The following CSTPP1 variants were observed in gnomAD, a reference collection of about 807,000 sequenced individuals.
CSTPP1 encodes the protein UPF0705 protein C11orf49.
chr11:47,058,446 G>T, the CSTPP1 span, among the ~76,000 whole-genome samples: 2 of 151,998 alleles, frequency 1.3e-5, no homozygotes, highest in African/African-American at 4.8e-5. Flanking sequence ...CAGAGATGAT[G>T]GAATTAACTA....
chr11:46,952,794 C>T, the CSTPP1 span, among the ~76,000 whole-genome samples: 5,708 of 152,208 alleles, frequency 0.038, 333 homozygotes, highest in African/African-American at 0.13. Context: ...TCTAGTGAGT[C>T]GTTCACCTTA....
At chr11:47,112,565 G>T in the CSTPP1 span, among the ~76,000 whole-genome samples, 1 of 152,050 alleles carries the variant, frequency 6.6e-6, no homozygotes, top group Admixed American at 6.6e-5. Context: ...CAAGTGATCC[G>T]CCTGCCTTGG....
At chr11:47,043,846 T>TA in the CSTPP1 span, among the ~76,000 whole-genome samples, 1 of 152,044 alleles carries the variant, frequency 6.6e-6, no homozygotes, top group Non-Finnish European at 1.5e-5. Context: ...TCTCTAGATA[T>TA]AAAAAGGCAT....
chr11:46,986,153 A>G, the CSTPP1 span, among the ~76,000 whole-genome samples: 1 of 152,382 alleles, frequency 6.6e-6, no homozygotes, highest in East Asian at 1.9e-4. Flanking sequence ...TTGATAAAGA[A>G]GAAAACAGGT....
At chr11:47,012,250 G>A in the CSTPP1 span, among the ~76,000 whole-genome samples, 2 of 152,112 alleles carry the variant, frequency 1.3e-5, no homozygotes, top group Admixed American at 1.3e-4. Flanking sequence ...GAGTGAGACT[G>A]TGTCTCCAAA....
chr11:46,982,803 G>A, the CSTPP1 span, among the ~76,000 whole-genome samples: 1 of 152,124 alleles, frequency 6.6e-6, no homozygotes, highest in Non-Finnish European at 1.5e-5. Context: ...CTTTCAATAA[G>A]GGGGTAAGGG....
chr11:46,957,448 A>G, the CSTPP1 span, among the ~76,000 whole-genome samples: 3 of 152,122 alleles, frequency 2.0e-5, no homozygotes, highest in Non-Finnish European at 4.4e-5. Flanking sequence ...TACTACCCTT[A>G]CCCTTGATTG....
the CSTPP1 span, among the ~76,000 whole-genome samples, chr11:47,020,349 A>G: frequency 1.3e-5 from 2 of 152,214 alleles, no homozygotes; most frequent in African/African-American, 4.8e-5. Flanking sequence ...TCTTAAGCTT[A>G]GTGATGTAAT....
At chr11:47,096,590 G>C in the CSTPP1 span, among the ~76,000 whole-genome samples, 2 of 152,148 alleles carry the variant, frequency 1.3e-5, no homozygotes, top group African/African-American at 4.8e-5. Flanking sequence ...AGAAAACTGT[G>C]TTTTTAAACT....
chr11:47,161,407 C>T, the CSTPP1 span: 1 of 1,605,002 alleles, frequency 6.2e-7, no homozygotes, highest in Non-Finnish European at 8.5e-7. Context: ...GGCATGGAGG[C>T]CCTGCTCTCT....
At chr11:47,126,686 C>G in the CSTPP1 span, among the ~76,000 whole-genome samples, 1 of 151,644 alleles carries the variant, frequency 6.6e-6, no homozygotes. Context: ...AATCCCAGCA[C>G]TTTGGGAGAC....
At chr11:47,070,419 AC>A in the CSTPP1 span, among the ~76,000 whole-genome samples, 4 of 152,166 alleles carry the variant, frequency 2.6e-5, no homozygotes, top group African/African-American at 9.7e-5. Flanking sequence ...CTAATTAGAC[AC>A]CTTGGGGAGG....
the CSTPP1 span, among the ~76,000 whole-genome samples, chr11:47,104,325 T>C: frequency 1.3e-5 from 2 of 152,266 alleles, no homozygotes; most frequent in African/African-American, 2.4e-5. Flanking sequence ...ATCTAACACA[T>C]TGTCCTTTTC....
At chr11:46,943,296 G>T in the CSTPP1 span, among the ~76,000 whole-genome samples, 1 of 152,218 alleles carries the variant, frequency 6.6e-6, no homozygotes, top group Non-Finnish European at 1.5e-5. Context: ...TTCGGCAGAT[G>T]AGGAAACTAC....
chr11:46,959,936 G>A, the CSTPP1 span, among the ~76,000 whole-genome samples: 2 of 146,976 alleles, frequency 1.4e-5, no homozygotes, highest in East Asian at 2.0e-4. Flanking sequence ...GTGCGATTTC[G>A]GCTCACTGCA....
At chr11:47,069,106 G>C in the CSTPP1 span, among the ~76,000 whole-genome samples, 1 of 152,252 alleles carries the variant, frequency 6.6e-6, no homozygotes, top group South Asian at 2.1e-4. Context: ...TTTTTAATAA[G>C]AATTGAAATT....
the CSTPP1 span, among the ~76,000 whole-genome samples, chr11:47,151,659 G>A: frequency 2.6e-5 from 4 of 151,476 alleles, no homozygotes; most frequent in Non-Finnish European, 2.9e-5. Context: ...AGTCATAGCC[G>A]GTGTTGCTGT....
chr11:47,147,913 T>TATC, the CSTPP1 span, among the ~76,000 whole-genome samples: 3 of 152,134 alleles, frequency 2.0e-5, no homozygotes, highest in Admixed American at 6.5e-5. Context: ...TCACTATTAT[T>TATC]ATCATCATCA....
chr11:46,982,492 A>G, the CSTPP1 span, among the ~76,000 whole-genome samples: 4 of 152,248 alleles, frequency 2.6e-5, no homozygotes, highest in East Asian at 7.7e-4. Context: ...TAAGGTGGAA[A>G]TTCTAGACCC....
Sources: gnomAD v4.1 joint callset for allele counts (sites outside exome capture counted in the v4.1 genomes callset) on GRCh38, gnomAD v4.1.1 for gene constraint, MANE v1.5 for transcripts, NCBI Gene and HGNC (gene_info 2026-07-23, HGNC 2026-07-21) for gene names.